The following NDUFB5 variants were observed in gnomAD, a reference collection of about 807,000 sequenced individuals.
The protein encoded by NDUFB5 is NADH:ubiquinone oxidoreductase subunit B5.
NDUFB5 carries 19 observed loss-of-function variants against 19.4 expected under a neutral mutation model. The observed-to-expected ratio is 0.98, with a 90% CI of 0.68 to 1.43. The LOEUF is 1.43. Among genes scored for constraint, NDUFB5 ranks in the 40% most tolerant of loss-of-function variants. NDUFB5 has a pLI of 0.00. For synonymous variants in NDUFB5, 80 were observed against 82.6 expected (o/e 0.97, Z 0.17); for missense variants, 233 against 236.5 (o/e 0.99, Z 0.10).
In NDUFB5 at chr3:179,617,091, A is replaced by G. The variant is rs753980337; in HGVS notation, c.342+47A>G. On this transcript the variant is annotated intron_variant, in intron 4 of 5. Transcript: ENST00000259037. ...TTACATACTGTTACATGCCTTGTCA[A>G]CGCACTAGTTAATGTCTTAATTCAG... 3.7e-6 allele frequency: 5 copies of G among 1,366,172 alleles called. No individual in the cohort carries two copies. The South Asian group carries it at 5.0e-5, about 14-fold the overall frequency. The allele number at this position is 1,366,172 out of a possible 1,614,324, so 84.6% of individuals were successfully genotyped here. A position where few individuals can be genotyped will look rare whatever the true frequency, so the allele number is the denominator to read the frequency against.
At chr3:179,621,275 AC>A (rs1560027169) in intron 5 of NDUFB5, among the ~76,000 whole-genome samples, 1 of 151,866 alleles carries the variant, frequency 6.6e-6, no homozygotes. Context: ...ACATAGTTTC[AC>A]CGTGTTGCCT....
chr3:179,614,838 T>C (rs1576880964), intron 1 of NDUFB5, 133 bp from the exon 2 acceptor site: 1 of 529,392 alleles, frequency 1.9e-6, no homozygotes, highest in Non-Finnish European at 3.2e-6. Context: ...CACACCTGAG[T>C]GTGAAAACCC....
intron 1 of NDUFB5, among the ~76,000 whole-genome samples, chr3:179,611,423 T>C (rs1719237656): frequency 6.6e-6 from 1 of 152,010 alleles, no homozygotes; most frequent in Non-Finnish European, 1.5e-5. Flanking sequence ...CTTTTTTTTT[T>C]TTTTCTTGAG....
At chr3:179,605,637 TA>T (rs142515574) in intron 1 of NDUFB5, among the ~76,000 whole-genome samples, 4,469 of 152,056 alleles carry the variant, frequency 0.029, 149 homozygotes, top group East Asian at 0.12. Flanking sequence ...ATTTCTTTTT[TA>T]AAAAAACCAT....
chr3:179,605,758 A>G (rs575980870), intron 1 of NDUFB5, among the ~76,000 whole-genome samples: 22 of 151,966 alleles, frequency 1.4e-4, no homozygotes, highest in Non-Finnish European at 2.8e-4. Flanking sequence ...CTTGAAGGCA[A>G]AAGTGCCTAG....
chr3:179,621,194 A>G (rs1719524537), intron 5 of NDUFB5, among the ~76,000 whole-genome samples: 1 of 151,798 alleles, frequency 6.6e-6, no homozygotes, highest in Non-Finnish European at 1.5e-5. Context: ...CCTCCCACCC[A>G]AGCCTCCCTA....
rs777059085 is a variant in NDUFB5, at chr3:179,618,431, G to A, written c.359G>A (p.Trp120Ter). ...CTCTTGTAGCATCCCATATCAAGAT[G>A]GATTGCCCGTAATTTCTATGATAGT... ...WEYYKHPISR[W>*]IARNFYDSPE... The change falls in exon 5 of 6, where the codon TGG becomes TAG. Residue 120 changes from tryptophan (W) to a stop codon, truncating the protein, a stop_gained. Transcript: ENST00000259037. LOFTEE classifies it high-confidence loss of function. The A allele has an allele frequency of 6.2e-7, 1 of 1,607,624 alleles. No individual in the cohort carries two copies. Among genetic ancestry groups the A allele is most frequent in the African/African-American group, 1.3e-5 (1 of 74,576 alleles).
chr3:179,607,664 C>T, intron 1 of NDUFB5: 2 of 678,356 alleles, frequency 2.9e-6, no homozygotes, highest in Admixed American at 2.2e-5. Flanking sequence ...GCTATGCAAC[C>T]ATCACCATCA....
rs556597263 is a variant in NDUFB5, at chr3:179,607,882, A to T, written c.124+2943A>T. ...CCCCAAGGCATATTTATGTCGTAGC[A>T]TATGTCAGAATTTCCTTCCTTTTTA... On this transcript the variant is annotated intron_variant, in intron 1 of 5. Transcript: ENST00000259037. The T allele has an allele frequency of 3.1e-5, 21 of 680,338 alleles. No individual in the cohort carries two copies. In the South Asian group the frequency reaches 3.3e-4, roughly 11 times the overall value. 42.1% of individuals were successfully genotyped at this position (680,338 alleles called of 1,614,324 possible). A position where few individuals can be genotyped will look rare whatever the true frequency, so the allele number is the denominator to read the frequency against.
rs1395976446 is a variant in NDUFB5, at chr3:179,625,378, AAC to A, written c.*1344_*1345del. The A allele has an allele frequency of 2.0e-5, 3 of 152,212 alleles. No individual in the cohort carries two copies. In the East Asian group the frequency reaches 5.8e-4, roughly 29 times the overall value. The allele number at this position is 152,212 out of a possible 1,614,324, so 9.4% of individuals were successfully genotyped here. On this transcript the variant is annotated 3_prime_UTR_variant, in exon 6 of 6. Coordinates refer to ENST00000259037, the MANE Select transcript of NDUFB5 (RefSeq NM_002492.4). The stretch of plus-strand genomic sequence containing the variant: ...TGGAGAAATAATTTTTTGCTGCCTA[AAC>A]ACACAAGTGAATTGAAAAGCCACAG...
chr3:179,612,246 G>A (rs1242087679), intron 1 of NDUFB5, among the ~76,000 whole-genome samples: 3 of 151,500 alleles, frequency 2.0e-5, no homozygotes, highest in South Asian at 4.2e-4. Context: ...TACTCCGCAA[G>A]CTGAAGGTGG....
chr3:179,605,553 C>A (rs1002229174), intron 1 of NDUFB5, among the ~76,000 whole-genome samples: 1 of 151,820 alleles, frequency 6.6e-6, no homozygotes, highest in African/African-American at 2.4e-5. Flanking sequence ...GCAACCTCCG[C>A]CTCCTGGGTT....
chr3:179,621,493 TTTC>T (rs1385960187), intron 5 of NDUFB5, among the ~76,000 whole-genome samples: 11 of 148,402 alleles, frequency 7.4e-5, no homozygotes, highest in African/African-American at 1.5e-4. Context: ...ATATTTTCTT[TTTC>T]TTTTTTTTTT....
intron 4 of NDUFB5, among the ~76,000 whole-genome samples, chr3:179,618,056 C>T (rs888435055): frequency 6.6e-6 from 1 of 152,142 alleles, no homozygotes; most frequent in Non-Finnish European, 1.5e-5. Flanking sequence ...CTAACTGGTG[C>T]AAAGAGCTCC....
intron 1 of NDUFB5, among the ~76,000 whole-genome samples, chr3:179,614,164 G>A (rs984973706): frequency 6.6e-6 from 1 of 152,166 alleles, no homozygotes. Context: ...GAAAGGGCTT[G>A]GAATGCCTCT....
At chr3:179,606,934 AC>A (rs1363479217) in intron 1 of NDUFB5, among the ~76,000 whole-genome samples, 1 of 152,248 alleles carries the variant, frequency 6.6e-6, no homozygotes, top group Non-Finnish European at 1.5e-5. Flanking sequence ...TGAACTTGTT[AC>A]AAAACTACAT....
At chr3:179,617,146 T>C (rs1719402892) in intron 4 of NDUFB5, 102 bp downstream of exon 4, 2 of 918,982 alleles carry the variant, frequency 2.2e-6, no homozygotes, top group East Asian at 5.5e-5. Context: ...TTTTTTGTTT[T>C]GTTTTTTTTG....
intron 1 of NDUFB5, 122 bp from the exon 2 acceptor site, chr3:179,614,849 A>AT (rs756028083): frequency 1.6e-6 from 1 of 618,822 alleles, no homozygotes; most frequent in Non-Finnish European, 2.6e-6. Flanking sequence ...GTGAAAACCC[A>AT]GTCATCCTGC....
chr3:179,614,284 A>T (rs1719321589), intron 1 of NDUFB5, among the ~76,000 whole-genome samples: 1 of 152,112 alleles, frequency 6.6e-6, no homozygotes, highest in South Asian at 2.1e-4. Context: ...TCAGGGGGAG[A>T]CTTGAAGAGG....
Sources: gnomAD v4.1 joint callset for allele counts (sites outside exome capture counted in the v4.1 genomes callset) on GRCh38, gnomAD v4.1.1 for gene constraint, MANE v1.5 for transcripts, NCBI Gene and HGNC (gene_info 2026-07-23, HGNC 2026-07-21) for gene names.